RHOH: variants seen among roughly 807,000 people sequenced by gnomAD.
RHOH encodes the protein ras homolog family member H.
RHOH carries 6 observed loss-of-function variants against 13.8 expected under a neutral mutation model. The observed-to-expected ratio is 0.44, with a 90% CI of 0.24 to 0.86. The LOEUF is 0.86. RHOH is among the 40% of genes least tolerant of loss of function. The probability of loss-of-function intolerance (pLI) is 0.24; values close to 1 mark genes in which losing one functional copy is unlikely to be tolerated. For synonymous variants in RHOH, 117 were observed against 103.0 expected (o/e 1.14, Z -0.82); for missense variants, 147 against 244.5 (o/e 0.60, Z 2.66).
chr4:40,192,129 C>G (rs1176786189), upstream of RHOH, among the ~76,000 whole-genome samples: 3 of 152,146 alleles, frequency 2.0e-5, no homozygotes, highest in Admixed American at 6.5e-5. Context: ...CATGAAATCT[C>G]TCAATCAGAA....
At chr4:40,197,614 A>G (rs780708920) in intron 1 of RHOH, among the ~76,000 whole-genome samples, 1 of 152,316 alleles carries the variant, frequency 6.6e-6, no homozygotes, top group Admixed American at 6.5e-5. Flanking sequence ...TAGTTTAAAT[A>G]CTACCCAAGG....
intron 1 of RHOH, among the ~76,000 whole-genome samples, chr4:40,198,929 T>TC (rs1723592419): frequency 1.0e-5 from 1 of 98,802 alleles, no homozygotes; most frequent in Non-Finnish European, 2.5e-5. Flanking sequence ...ATTCAGACAC[T>TC]TTTTTTCTGG....
chr4:40,224,694 A>C (rs1727016551), intron 1 of RHOH, among the ~76,000 whole-genome samples: 1 of 152,388 alleles, frequency 6.6e-6, no homozygotes, highest in African/African-American at 2.4e-5. Context: ...ATGGCACAGC[A>C]TAGTCCTGAG....
In RHOH at chr4:40,210,089, CGTGTGTGT is replaced by C. The variant is rs5857717; in HGVS notation, c.-331+12816_-331+12823del. On this transcript the variant is annotated intron_variant, in intron 1 of 2. Transcript: ENST00000381799. ...GTAATATTCCTGATTACATTGTGTG[CGTGTGTGT>C]GTGTGTGTGTGTGTGTGTGTGTGTG... 1.1e-3 allele frequency among the ~76,000 whole-genome samples: 161 copies of C among 145,552 alleles called. 1 individual carries two copies. Among genetic ancestry groups the C allele is most frequent in the African/African-American group, 3.5e-3 (140 of 39,752 alleles).
chr4:40,228,135 A>G (rs565878270), intron 1 of RHOH, among the ~76,000 whole-genome samples: 1 of 152,308 alleles, frequency 6.6e-6, no homozygotes, highest in African/African-American at 2.4e-5. Flanking sequence ...AATTTTATGC[A>G]GCCATTTTCT....
intron 1 of RHOH, among the ~76,000 whole-genome samples, chr4:40,211,422 T>C (rs1162144341): frequency 6.6e-6 from 1 of 152,112 alleles, no homozygotes; most frequent in South Asian, 2.1e-4. Context: ...TGTACCACCA[T>C]GCCTGGCTAA....
chr4:40,213,312 G>C (rs967489633), intron 1 of RHOH, among the ~76,000 whole-genome samples: 1 of 151,400 alleles, frequency 6.6e-6, no homozygotes, highest in Non-Finnish European at 1.5e-5. Context: ...GCAAGTGTGG[G>C]TCTCACTCTT....
chr4:40,212,047 T>C (rs1002813635), intron 1 of RHOH, among the ~76,000 whole-genome samples: 2 of 152,176 alleles, frequency 1.3e-5, no homozygotes, highest in Non-Finnish European at 2.9e-5. Context: ...CCAGGGTACA[T>C]AATGATTTAG....
Position 40,234,672 on chromosome 4 carries a change from G to A in RHOH, c.-330-8042G>A, listed in dbSNP as rs1728333668. 2.0e-5 allele frequency among the ~76,000 whole-genome samples: 3 copies of A among 151,650 alleles called. No individual in the cohort carries two copies. In the East Asian group the frequency reaches 5.8e-4, roughly 29 times the overall value. ...CTATAAAGGGGTTTAATATGCTTCA[G>A]GCTTAGGAACATAAATACTGCTTAA... On this transcript the variant is annotated intron_variant, in intron 1 of 2. Transcript: ENST00000381799.
upstream of RHOH, among the ~76,000 whole-genome samples, chr4:40,195,617 G>C (rs535613738): frequency 1.4e-4 from 22 of 151,926 alleles, no homozygotes; most frequent in Non-Finnish European, 2.6e-4. Context: ...TGGTTGCCCA[G>C]CTAATTTTTG....
chr4:40,233,411 T>C (rs565558244), intron 1 of RHOH, among the ~76,000 whole-genome samples: 2 of 151,840 alleles, frequency 1.3e-5, no homozygotes, highest in Middle Eastern at 3.4e-3. Flanking sequence ...CTATGCATAG[T>C]TGACTTTGTT....
At position 40,224,209 on chromosome 4, in the gene RHOH, C is replaced by T. The variant is rs528165675; in HGVS notation, c.-330-18505C>T. 2.5e-4 allele frequency among the ~76,000 whole-genome samples: 38 copies of T among 152,350 alleles called. No individual in the cohort carries two copies. In the South Asian group the frequency reaches 7.7e-3, roughly 31 times the overall value. On this transcript the variant is annotated intron_variant, in intron 1 of 2. Coordinates refer to ENST00000381799, the MANE Select transcript of RHOH (RefSeq NM_004310.5). ...GTCTGTATATCATACCCTTCCTGGG[C>T]AATACGAACAGGCTGACCTAATTCC...
At chr4:40,236,876 A>G (rs1040584818) in intron 1 of RHOH, among the ~76,000 whole-genome samples, 5 of 152,158 alleles carry the variant, frequency 3.3e-5, no homozygotes, top group Admixed American at 6.6e-5. Context: ...ATAGCTAATT[A>G]TGGTGAAATA....
chr4:40,216,447 C>T (rs528045228), intron 1 of RHOH, among the ~76,000 whole-genome samples: 6 of 151,654 alleles, frequency 4.0e-5, no homozygotes, highest in South Asian at 4.2e-4. Flanking sequence ...CCAGCCTGGG[C>T]GACACAGTGA....
At position 40,244,096 on chromosome 4, in the gene RHOH, A is replaced by C; in HGVS notation, c.*134A>C. On this transcript the variant is annotated 3_prime_UTR_variant, in exon 3 of 3. Coordinates refer to ENST00000381799, the MANE Select transcript of RHOH (RefSeq NM_004310.5). Reference sequence around the variant, plus strand: ...GCAGCGTCTCCTTTTGGATACAGTTATTGATGAGGCTTGGCCACTGGATGT... The same window carrying C: ...GCAGCGTCTCCTTTTGGATACAGTTCTTGATGAGGCTTGGCCACTGGATGT... 2.8e-6 allele frequency: 2 copies of C among 703,098 alleles called. No homozygotes were observed. Among genetic ancestry groups the C allele is most frequent in the Non-Finnish European group, 4.8e-6 (2 of 420,144 alleles). 43.6% of individuals were successfully genotyped at this position (703,098 alleles called of 1,614,324 possible).
At chr4:40,221,154 C>T (rs1184705198) in intron 1 of RHOH, among the ~76,000 whole-genome samples, 1 of 152,142 alleles carries the variant, frequency 6.6e-6, no homozygotes, top group African/African-American at 2.4e-5. Flanking sequence ...CTGAGAATTC[C>T]CAGTAAATCT....
At chr4:40,220,037 C>T (rs781126857) in intron 1 of RHOH, among the ~76,000 whole-genome samples, 2 of 152,158 alleles carry the variant, frequency 1.3e-5, no homozygotes, top group Non-Finnish European at 1.5e-5. Context: ...AGAGAGAACT[C>T]GGCTGGATGG....
chr4:40,204,804 G>A (rs183409571), intron 1 of RHOH, among the ~76,000 whole-genome samples: 3 of 152,178 alleles, frequency 2.0e-5, no homozygotes, highest in African/African-American at 7.2e-5. Flanking sequence ...TAGCATGTGG[G>A]GCTAGAGTTG....
intron 1 of RHOH, among the ~76,000 whole-genome samples, chr4:40,236,561 C>T (rs1161148226): frequency 2.6e-5 from 4 of 151,996 alleles, no homozygotes; most frequent in African/African-American, 9.7e-5. Flanking sequence ...GAAGCTGAGG[C>T]AGGTGAATCA....
Sources: gnomAD v4.1 joint callset for allele counts (sites outside exome capture counted in the v4.1 genomes callset) on GRCh38, gnomAD v4.1.1 for gene constraint, MANE v1.5 for transcripts, NCBI Gene and HGNC (gene_info 2026-07-23, HGNC 2026-07-21) for gene names.